TDRD3: variants seen among roughly 807,000 people sequenced by gnomAD.
The protein encoded by TDRD3 is tudor domain containing 3, also known as tudor domain-containing protein 3.
In TDRD3, 45 loss-of-function variants were observed where a neutral mutation model predicts 86.7. That is an observed-to-expected ratio of 0.52 (90% CI 0.41 to 0.67). The LOEUF (loss-of-function observed/expected upper bound fraction) is 0.67. TDRD3 is among the 30% of genes least tolerant of loss of function. The pLI is 0.00. For synonymous variants in TDRD3, 298 were observed against 301.7 expected, an observed-to-expected ratio of 0.99 and a Z score of 0.13; for missense variants, 814 against 889.0, an observed-to-expected ratio of 0.92 and a Z score of 1.07.
intron 12 of TDRD3, among the ~76,000 whole-genome samples, chr13:60,540,506 A>G (rs943481226): frequency 2.0e-5 from 3 of 152,204 alleles, no homozygotes; most frequent in African/African-American, 7.2e-5. Context: ...TTATTCATAA[A>G]TGTATTCCAT....
intron 5 of TDRD3, among the ~76,000 whole-genome samples, chr13:60,473,498 G>A (rs143250930): frequency 1.3e-5 from 2 of 152,296 alleles, no homozygotes; most frequent in East Asian, 1.9e-4. Context: ...GCAAGAGACC[G>A]AGGGCACAAA....
At chr13:60,520,157 TA>T (rs1363592321) in intron 10 of TDRD3, among the ~76,000 whole-genome samples, 2 of 152,220 alleles carry the variant, frequency 1.3e-5, no homozygotes, top group African/African-American at 4.8e-5. Context: ...ATATGTGTTG[TA>T]TCTATAAAGA....
intron 13 of TDRD3, among the ~76,000 whole-genome samples, chr13:60,572,053 CA>C (rs1177142872): frequency 1.3e-5 from 2 of 152,110 alleles, no homozygotes; most frequent in East Asian, 3.8e-4. Flanking sequence ...TTAGTCCAAC[CA>C]AAACTTTGTG....
At chr13:60,449,645 G>A (rs1335691863) in intron 3 of TDRD3, among the ~76,000 whole-genome samples, 1 of 151,988 alleles carries the variant, frequency 6.6e-6, no homozygotes, top group East Asian at 1.9e-4. Flanking sequence ...TACTTTCAGG[G>A]AATCTTACGT....
At chr13:60,423,013 T>TG (rs1954701844) in intron 1 of TDRD3, among the ~76,000 whole-genome samples, 3 of 152,096 alleles carry the variant, frequency 2.0e-5, no homozygotes, top group Admixed American at 2.0e-4. Flanking sequence ...AGTTAAAAAT[T>TG]ATCAGATTAT....
intron 12 of TDRD3, among the ~76,000 whole-genome samples, chr13:60,559,192 TCTC>T (rs1293908931): frequency 2.0e-5 from 3 of 152,084 alleles, no homozygotes; most frequent in African/African-American, 4.8e-5. Flanking sequence ...CTCATAGAAT[TCTC>T]CTGATAAACC....
At chr13:60,425,383 GAGAAACACCCT>G (rs1482264201) in intron 1 of TDRD3, among the ~76,000 whole-genome samples, 3 of 152,126 alleles carry the variant, frequency 2.0e-5, no homozygotes, top group Non-Finnish European at 4.4e-5. Flanking sequence ...CAGGGGTGTG[GAGAAACACCCT>G]AGTACACCGT....
intron 8 of TDRD3, among the ~76,000 whole-genome samples, chr13:60,504,452 A>T (rs561700785): frequency 3.3e-5 from 5 of 152,218 alleles, no homozygotes; most frequent in Non-Finnish European, 2.9e-5. Flanking sequence ...TAAAGCAGGC[A>T]GTTTACAACC....
At chr13:60,464,180 A>G (rs1025931119) in intron 4 of TDRD3, among the ~76,000 whole-genome samples, 2 of 152,162 alleles carry the variant, frequency 1.3e-5, no homozygotes, top group African/African-American at 4.8e-5. Context: ...CTATGAGCCA[A>G]ATAAACCTTT....
chr13:60,495,911 C>G (rs965750732), intron 8 of TDRD3, among the ~76,000 whole-genome samples: 2 of 151,890 alleles, frequency 1.3e-5, no homozygotes, highest in African/African-American at 2.4e-5. Context: ...ATCTTGTGGC[C>G]GTGATGGCTA....
chr13:60,495,882 T>C (rs913093982), intron 8 of TDRD3, among the ~76,000 whole-genome samples: 2 of 152,096 alleles, frequency 1.3e-5, no homozygotes, highest in African/African-American at 2.4e-5. Context: ...GCTGCATAAC[T>C]CTTAAACCAT....
chr13:60,425,681 A>G (rs551101873), intron 1 of TDRD3, among the ~76,000 whole-genome samples: 1 of 152,190 alleles, frequency 6.6e-6, no homozygotes, highest in South Asian at 2.1e-4. Flanking sequence ...ACGGATTTGA[A>G]CTGTGTGAGT....
chr13:60,568,728 A>G (rs548262558), intron 13 of TDRD3, among the ~76,000 whole-genome samples: 1 of 152,332 alleles, frequency 6.6e-6, no homozygotes, highest in East Asian at 1.9e-4. Flanking sequence ...AGTTGAATAA[A>G]ATAGAAGTAC....
chr13:60,519,989 T>G (rs1274436247), intron 10 of TDRD3, among the ~76,000 whole-genome samples: 6 of 152,200 alleles, frequency 3.9e-5, no homozygotes, highest in African/African-American at 1.4e-4. Flanking sequence ...TCATGATTTG[T>G]TCATTTATAA....
intron 13 of TDRD3, among the ~76,000 whole-genome samples, chr13:60,573,073 C>CA (rs2138023036): frequency 6.6e-6 from 1 of 152,324 alleles, no homozygotes; most frequent in South Asian, 2.1e-4. Flanking sequence ...CTGGAGCATA[C>CA]AAGTCTTCTC....
intron 10 of TDRD3, among the ~76,000 whole-genome samples, chr13:60,526,767 G>C (rs1405499986): frequency 5.9e-5 from 9 of 151,954 alleles, no homozygotes. Flanking sequence ...AATTTTAAAA[G>C]TATTTAAAGC....
At chr13:60,526,097 G>A (rs1021622108) in intron 10 of TDRD3, among the ~76,000 whole-genome samples, 20 of 152,054 alleles carry the variant, frequency 1.3e-4, no homozygotes, top group African/African-American at 3.9e-4. Context: ...AGTTACTCTC[G>A]TGATGACTTA....
intron 1 of TDRD3, among the ~76,000 whole-genome samples, chr13:60,411,277 C>T (rs1171124248): frequency 1.3e-5 from 2 of 152,088 alleles, no homozygotes; most frequent in Non-Finnish European, 2.9e-5. Context: ...GAAAAGAGTG[C>T]AGTGTAGTGG....
intron 5 of TDRD3, among the ~76,000 whole-genome samples, chr13:60,481,346 TG>T (rs1309218321): frequency 1.5e-5 from 2 of 133,860 alleles, no homozygotes; most frequent in African/African-American, 5.5e-5. Flanking sequence ...CTTCCCTCTT[TG>T]TGTTTTTTTT....
Sources: gnomAD v4.1 joint callset for allele counts (sites outside exome capture counted in the v4.1 genomes callset) on GRCh38, gnomAD v4.1.1 for gene constraint, MANE v1.5 for transcripts, NCBI Gene and HGNC (gene_info 2026-07-23, HGNC 2026-07-21) for gene names.